Variants in GNA14 observed in about 807,000 individuals in gnomAD.
The protein encoded by GNA14 is guanine nucleotide-binding protein subunit alpha-14.
GNA14 carries 50 observed loss-of-function variants against 42.0 expected under a neutral mutation model. The ratio of observed to expected loss-of-function variants is 1.19; its 90% CI spans 0.95 to 1.51. The LOEUF (loss-of-function observed/expected upper bound fraction) is 1.51, where lower values mean the gene tolerates loss of function less well. Ranked by LOEUF, GNA14 falls within the 40% of genes most tolerant of loss-of-function variation. The pLI, the probability that GNA14 is intolerant of heterozygous loss-of-function variation, is 0.00. For synonymous variants in GNA14, 173 were observed against 163.1 expected, an observed-to-expected ratio of 1.06 and a Z score of -0.46; for missense variants, 473 against 446.2, an observed-to-expected ratio of 1.06 and a Z score of -0.54.
At chr9:77,638,939 G>A (rs111395675) in intron 1 of GNA14, among the ~76,000 whole-genome samples, 4 of 152,226 alleles carry the variant, frequency 2.6e-5, no homozygotes, top group African/African-American at 9.6e-5. Context: ...TAGAATAAAG[G>A]CATGATTTTA....
intron 1 of GNA14, among the ~76,000 whole-genome samples, chr9:77,560,990 A>C (rs1213512738): frequency 6.6e-6 from 1 of 152,236 alleles, no homozygotes; most frequent in Non-Finnish European, 1.5e-5. Context: ...TAGACCACAT[A>C]AGACCGTCCT....
At chr9:77,569,808 C>A (rs770477446) in intron 1 of GNA14, among the ~76,000 whole-genome samples, 2 of 151,748 alleles carry the variant, frequency 1.3e-5, no homozygotes, top group Non-Finnish European at 2.9e-5. Flanking sequence ...GCTCTTTCAC[C>A]CAGGCAGGAG....
At chr9:77,518,504 T>C (rs59740183) in intron 2 of GNA14, among the ~76,000 whole-genome samples, 5,069 of 152,126 alleles carry the variant, frequency 0.033, 236 homozygotes, top group African/African-American at 0.11. Context: ...AACTAGGGGC[T>C]GCCACTGGTC....
chr9:77,464,866 T>C (rs1564022574), intron 2 of GNA14, among the ~76,000 whole-genome samples: 2 of 152,160 alleles, frequency 1.3e-5, no homozygotes, highest in Non-Finnish European at 2.9e-5. Flanking sequence ...CAGTGTTTTT[T>C]TAAGAAGAGG....
chr9:77,443,925 T>TA (rs1370943107), intron 2 of GNA14, among the ~76,000 whole-genome samples: 2 of 151,876 alleles, frequency 1.3e-5, no homozygotes. Flanking sequence ...GAGGCTAGAG[T>TA]AAGCTATGAT....
At chr9:77,606,541 G>T (rs1197454682) in intron 1 of GNA14, among the ~76,000 whole-genome samples, 1 of 152,174 alleles carries the variant, frequency 6.6e-6, no homozygotes, top group African/African-American at 2.4e-5. Flanking sequence ...TATAAAAACT[G>T]AAATCTGTGT....
Position 77,629,586 on chromosome 9 carries a change from G to T in GNA14, c.124+18084C>A, listed in dbSNP as rs543779963. 4.6e-5 allele frequency among the ~76,000 whole-genome samples: 7 copies of T among 152,294 alleles called. No individual in the cohort carries two copies. The East Asian group carries it at 7.7e-4, about 17-fold the overall frequency. On this transcript the variant is annotated intron_variant, in intron 1 of 6. Transcript: ENST00000341700. ...CAGTTTATGTCCTTTGCAGGGACAT[G>T]GATGAAGCTGGAAACCATCATTCTC...
intron 2 of GNA14, among the ~76,000 whole-genome samples, chr9:77,486,419 A>T (rs186804543): frequency 1.3e-3 from 197 of 152,348 alleles, no homozygotes; most frequent in Non-Finnish European, 1.9e-3. Flanking sequence ...AACTTTCTCC[A>T]TATCAGCAAT....
intron 3 of GNA14, 82 bp from the exon 4 acceptor site, chr9:77,431,531 ACT>A (rs1297040812): frequency 1.6e-6 from 2 of 1,266,582 alleles, no homozygotes; most frequent in African/African-American, 2.9e-5. Flanking sequence ...GTCACCCCCC[ACT>A]CACAGTGAGC....
chr9:77,481,872 T>A (rs377268384), intron 2 of GNA14, among the ~76,000 whole-genome samples: 1 of 152,042 alleles, frequency 6.6e-6, no homozygotes, highest in African/African-American at 2.4e-5. Flanking sequence ...GGATTGCAAC[T>A]CCTGCCTTTT....
At chr9:77,593,256 G>A in intron 1 of GNA14, among the ~76,000 whole-genome samples, 1 of 152,020 alleles carries the variant, frequency 6.6e-6, no homozygotes, top group African/African-American at 2.4e-5. Context: ...GAGTAGCAAG[G>A]CAGTGTTATT....
At chr9:77,598,011 C>A (rs182415943) in intron 1 of GNA14, among the ~76,000 whole-genome samples, 62 of 152,256 alleles carry the variant, frequency 4.1e-4, no homozygotes, top group Admixed American at 2.9e-3. Flanking sequence ...TGCATTCCAG[C>A]CTGGGCAACA....
intron 1 of GNA14, among the ~76,000 whole-genome samples, chr9:77,617,445 G>A (rs1343604101): frequency 5.3e-5 from 8 of 152,110 alleles, no homozygotes; most frequent in South Asian, 4.2e-4. Context: ...CCTTCAGAAC[G>A]TATATCAAAT....
At chr9:77,641,893 G>A (rs1018366177) in intron 1 of GNA14, among the ~76,000 whole-genome samples, 1 of 151,956 alleles carries the variant, frequency 6.6e-6, no homozygotes, top group Non-Finnish European at 1.5e-5. Context: ...AGAGTTTAGG[G>A]AAAAAAAGGC....
chr9:77,471,493 G>A (rs925277782), intron 2 of GNA14, among the ~76,000 whole-genome samples: 3 of 152,100 alleles, frequency 2.0e-5, no homozygotes, highest in Non-Finnish European at 4.4e-5. Context: ...GCATGGGAGA[G>A]GAAGGTACCA....
chr9:77,562,265 T>A (rs114428313), intron 1 of GNA14, among the ~76,000 whole-genome samples: 2 of 152,120 alleles, frequency 1.3e-5, no homozygotes, highest in Non-Finnish European at 2.9e-5. Context: ...CTCAGTGCTA[T>A]GGAAAGTCTG....
intron 1 of GNA14, among the ~76,000 whole-genome samples, chr9:77,643,694 A>C (rs1340601715): frequency 3.3e-5 from 5 of 152,212 alleles, no homozygotes; most frequent in Non-Finnish European, 1.5e-5. Context: ...TTTTTGGTGT[A>C]AGCAGGAAGA....
At chr9:77,455,757 T>C (rs142258181) in intron 2 of GNA14, among the ~76,000 whole-genome samples, 12 of 152,330 alleles carry the variant, frequency 7.9e-5, no homozygotes, top group Non-Finnish European at 1.5e-4. Context: ...TTGTGGTCCA[T>C]AGGAATCGCA....
Position 77,543,791 on chromosome 9 carries a change from G to A in GNA14, c.125-14538C>T, listed in dbSNP as rs560660909. On this transcript the variant is annotated intron_variant, in intron 1 of 6. Transcript: ENST00000341700. ...TGAATGCCAGTGTTCTCTCTTCCACGATGTATTTAAAGTGTGAATATCTAC... is the reference window on the plus strand; with the variant it reads ...TGAATGCCAGTGTTCTCTCTTCCACAATGTATTTAAAGTGTGAATATCTAC... Among the ~76,000 whole-genome samples, 10 of 152,136 alleles carry A rather than the reference G, an allele frequency of 6.6e-5. 1 individual carries two copies. The highest frequency in any genetic ancestry group is 2.4e-4 in the African/African-American group (10 of 41,490).
Sources: allele counts gnomAD v4.1 joint callset (sites outside exome capture counted in the v4.1 genomes callset), GRCh38; gene constraint gnomAD v4.1.1; transcripts MANE v1.5; gene names NCBI Gene and HGNC (gene_info 2026-07-23, HGNC 2026-07-21).